The following MTMR10 variants were observed in gnomAD, a reference collection of about 807,000 sequenced individuals.
The protein encoded by MTMR10 is myotubularin related protein 10, also known as myotubularin-related protein 10.
In MTMR10, 56 loss-of-function variants were observed where a neutral mutation model predicts 88.1. The ratio of observed to expected loss-of-function variants is 0.64; its 90% CI spans 0.51 to 0.79. The LOEUF is 0.79. MTMR10 is among the 30% of genes least tolerant of loss of function. The probability of loss-of-function intolerance (pLI) is 0.00; values close to 1 mark genes in which losing one functional copy is unlikely to be tolerated. For missense variants in MTMR10, 883 were observed against 924.7 expected, an observed-to-expected ratio of 0.95 and a Z score of 0.58; for synonymous variants, 380 against 340.9, an observed-to-expected ratio of 1.11 and a Z score of -1.26.
chr15:30,920,551 C>T, the MTMR10 span: 13 of 1,603,794 alleles, frequency 8.1e-6, no homozygotes, highest in East Asian at 2.2e-5. Context: ...TTAGATGCCA[C>T]GAAGATTTAC....
chr15:30,955,484 C>A (rs138409452), intron 9 of MTMR10, among the ~76,000 whole-genome samples: 7,744 of 152,214 alleles, frequency 0.051, 253 homozygotes, highest in Non-Finnish European at 0.074. Flanking sequence ...GTTGGCCAGG[C>A]TGGTCTCAAA....
At chr15:30,945,630 C>T (rs895598675) in intron 14 of MTMR10, among the ~76,000 whole-genome samples, 5 of 151,996 alleles carry the variant, frequency 3.3e-5, no homozygotes, top group Admixed American at 6.6e-5. Context: ...AAGCCTAGCT[C>T]GAGGCAGAGA....
intron 6 of MTMR10, among the ~76,000 whole-genome samples, chr15:30,966,693 C>CA (rs1566959082): frequency 6.6e-6 from 1 of 151,270 alleles, no homozygotes; most frequent in Non-Finnish European, 1.5e-5. Context: ...TAATAAACTT[C>CA]AAAAAATAAC....
chr15:30,942,914 G>C lies in MTMR10; in HGVS notation c.1707C>G (p.Ser569=), dbSNP rs957453518. ...CCTTTGTCCGTTTAAAAGACTTCAC[G>C]GAGCCATTCTGTATACAAGGTGTGC... ...GKSTPCIQNG[S]VKSFKRTKKS... The change falls in exon 15 of 16, where the codon TCC becomes TCG. Residue 569 remains serine (S), a synonymous_variant. Transcript: ENST00000435680. 3.2e-6 allele frequency: 5 copies of C among 1,567,326 alleles called. No homozygotes were observed. The African/African-American group carries it at 4.0e-5, about 13-fold the overall frequency.
At chr15:30,952,284 C>A (rs1017479128) in intron 11 of MTMR10, among the ~76,000 whole-genome samples, 1 of 152,262 alleles carries the variant, frequency 6.6e-6, no homozygotes, top group African/African-American at 2.4e-5. Flanking sequence ...TGACTGCTTT[C>A]TACTGAATGC....
Position 30,990,497 on chromosome 15 carries a change from A to G in MTMR10, c.121+280T>C, listed in dbSNP as rs370712370. On this transcript the variant is annotated intron_variant, in intron 2 of 15. Coordinates refer to ENST00000435680, the MANE Select transcript of MTMR10 (RefSeq NM_017762.3). ...CTATCAAAATGCATTAAAATGATTAATCATTAATGCAATAAGTGGCAAACA... is the reference window on the plus strand; with the variant it reads ...CTATCAAAATGCATTAAAATGATTAGTCATTAATGCAATAAGTGGCAAACA... Among the ~76,000 whole-genome samples, 10 of 152,338 alleles carry G rather than the reference A, an allele frequency of 6.6e-5. No homozygotes were observed. The East Asian group carries it at 7.7e-4, about 12-fold the overall frequency.
the MTMR10 span, chr15:30,929,111 C>A: frequency 9.2e-7 from 1 of 1,082,520 alleles, no homozygotes; most frequent in Non-Finnish European, 1.3e-6. Flanking sequence ...ATCGGTTGGC[C>A]GGTTTCCAAG....
chr15:30,945,562 G>C (rs1056770642), intron 14 of MTMR10, among the ~76,000 whole-genome samples: 16 of 152,148 alleles, frequency 1.1e-4, no homozygotes, highest in Non-Finnish European at 4.4e-5. Flanking sequence ...GTGTGCGCAC[G>C]GGGTAGTGAC....
chr15:30,983,306 T>C (rs2030718319), intron 2 of MTMR10, among the ~76,000 whole-genome samples: 2 of 152,198 alleles, frequency 1.3e-5, no homozygotes. Flanking sequence ...AATTAGAGGA[T>C]GATGAGCCAA....
chr15:30,968,458 C>T (rs2063497591), intron 5 of MTMR10, among the ~76,000 whole-genome samples: 1 of 151,140 alleles, frequency 6.6e-6, no homozygotes, highest in African/African-American at 2.4e-5. Flanking sequence ...AATAGAGAAA[C>T]ATAATTACAA....
At chr15:30,929,683 A>G in the MTMR10 span, among the ~76,000 whole-genome samples, 1 of 116,178 alleles carries the variant, frequency 8.6e-6, no homozygotes, top group Admixed American at 1.1e-4. Context: ...TATATCATAT[A>G]ATATATATAA....
intron 2 of MTMR10, among the ~76,000 whole-genome samples, chr15:30,981,201 G>C (rs2030547023): frequency 6.6e-6 from 1 of 152,208 alleles, no homozygotes; most frequent in Non-Finnish European, 1.5e-5. Context: ...GTAGTTTTAA[G>C]GTATGCCCAT....
At chr15:30,942,694 T>C (rs950930017) in intron 15 of MTMR10, 196 bp downstream of exon 15, 26 of 564,730 alleles carry the variant, frequency 4.6e-5, no homozygotes, top group Non-Finnish European at 7.2e-5. Context: ...TCTCAGGTAC[T>C]GAGACTTTGT....
downstream of MTMR10, among the ~76,000 whole-genome samples, chr15:30,936,608 T>G (rs926372139): frequency 1.3e-5 from 2 of 152,230 alleles, no homozygotes; most frequent in Admixed American, 6.5e-5. Context: ...GCTTCTCAAC[T>G]TATGATGGCC....
At chr15:30,920,578 T>A in the MTMR10 span, 1 of 1,612,322 alleles carries the variant, frequency 6.2e-7, no homozygotes, top group African/African-American at 1.3e-5. Context: ...TCCTGCGGTG[T>A]TTCACTGTTG....
intron 6 of MTMR10, among the ~76,000 whole-genome samples, chr15:30,963,957 A>G (rs962768446): frequency 6.6e-6 from 1 of 152,172 alleles, no homozygotes; most frequent in African/African-American, 2.4e-5. Flanking sequence ...GGCTATATGA[A>G]TGACTAGCTC....
intron 11 of MTMR10, 61 bp downstream of exon 11, chr15:30,953,501 G>T: frequency 7.7e-7 from 1 of 1,293,758 alleles, no homozygotes; most frequent in Non-Finnish European, 1.1e-6. Context: ...TGTACCTCCA[G>T]TGAGTCTGTA....
chr15:30,969,670 C>T (rs1484631510), intron 5 of MTMR10, among the ~76,000 whole-genome samples: 1 of 152,152 alleles, frequency 6.6e-6, no homozygotes, highest in Non-Finnish European at 1.5e-5. Context: ...CAATTTTGCT[C>T]TCCTGATAAT....
chr15:30,936,504 T>C (rs1401520671), downstream of MTMR10, among the ~76,000 whole-genome samples: 1 of 152,242 alleles, frequency 6.6e-6, no homozygotes, highest in African/African-American at 2.4e-5. Context: ...TCATTTGCTA[T>C]ACTAAGAATC....
Sources: allele counts gnomAD v4.1 joint callset (sites outside exome capture counted in the v4.1 genomes callset), GRCh38; gene constraint gnomAD v4.1.1; transcripts MANE v1.5; gene names NCBI Gene and HGNC (gene_info 2026-07-23, HGNC 2026-07-21).